CCDC74A: variants seen among roughly 807,000 people sequenced by gnomAD.
CCDC74A encodes coiled-coil domain-containing protein 74A.
CCDC74A carries 38 observed loss-of-function variants against 37.6 expected under a neutral mutation model. That is an observed-to-expected ratio of 1.01 (90% confidence interval 0.78 to 1.33). The LOEUF is 1.33. Ranked by LOEUF, CCDC74A falls within the 40% of genes most tolerant of loss-of-function variation. CCDC74A has a pLI of 0.00. For missense variants in CCDC74A, 340 were observed against 403.4 expected, an observed-to-expected ratio of 0.84 and a Z score of 1.35; for synonymous variants, 134 against 165.2, an observed-to-expected ratio of 0.81 and a Z score of 1.45.
chr2:131,529,101 A>C (rs375371431), intron 1 of CCDC74A: 2,125 of 190,738 alleles, frequency 0.011, 8 homozygotes, highest in African/African-American at 0.015. Flanking sequence ...CCGCTCCTCG[A>C]TCTTGCTTCA....
At chr2:131,525,627 A>T (rs561145721), upstream of CCDC74A, among the ~76,000 whole-genome samples, 1 of 151,900 alleles carries the variant, frequency 6.6e-6, no homozygotes, top group Admixed American at 6.6e-5. Context: ...AGCTTGCTGG[A>T]AACTCCACCT....
chr2:131,528,708 G>A (rs1680645799), intron 1 of CCDC74A: 3 of 390,282 alleles, frequency 7.7e-6, no homozygotes, highest in Non-Finnish European at 1.5e-5. Context: ...CTACTCGGGA[G>A]GCTGAAGCAG....
At chr2:131,525,325 C>T (rs1212516282), upstream of CCDC74A, among the ~76,000 whole-genome samples, 9 of 151,988 alleles carry the variant, frequency 5.9e-5, no homozygotes, top group Non-Finnish European at 8.8e-5. Flanking sequence ...AATCATGGCT[C>T]GCTGCATCTC....
chr2:131,527,336 G>A (rs552970628), upstream of CCDC74A, among the ~76,000 whole-genome samples: 4 of 152,020 alleles, frequency 2.6e-5, no homozygotes, highest in African/African-American at 7.2e-5. Context: ...TGCCATCATA[G>A]CTCACTGCAG....
In CCDC74A at chr2:131,529,447, A is replaced by G. The variant is rs115035364; in HGVS notation, c.251-200A>G. ...CCGATATGCCCGGTGGGCTCTGCCTAGGGAACAGGCAGGGCCATTCCTGGC... is the reference window on the plus strand; with the variant it reads ...CCGATATGCCCGGTGGGCTCTGCCTGGGGAACAGGCAGGGCCATTCCTGGC... On this transcript the variant is annotated intron_variant, in intron 1 of 7. Transcript: ENST00000409856. 9.2e-4 allele frequency: 678 copies of G among 738,374 alleles called. 1 individual carries two copies. The highest frequency in any genetic ancestry group is 1.5e-3 in the Non-Finnish European group (606 of 415,166). 45.7% of individuals were successfully genotyped at this position (738,374 alleles called of 1,614,324 possible). A position where few individuals can be genotyped will look rare whatever the true frequency, so the allele number is the denominator to read the frequency against.
At chr2:131,525,017 G>A (rs1232418517), upstream of CCDC74A, among the ~76,000 whole-genome samples, 5 of 151,382 alleles carry the variant, frequency 3.3e-5, no homozygotes, top group East Asian at 1.9e-4. Flanking sequence ...AGCTATAATC[G>A]CACCACTGCA....
chr2:131,525,384 A>AT (rs1479479227), upstream of CCDC74A, among the ~76,000 whole-genome samples: 1 of 151,742 alleles, frequency 6.6e-6, no homozygotes, highest in African/African-American at 2.4e-5. Flanking sequence ...ATGCAGGCAA[A>AT]TTTTTTAGTT....
At chr2:131,523,168 G>C (rs150507995), upstream of CCDC74A, among the ~76,000 whole-genome samples, 1 of 152,198 alleles carries the variant, frequency 6.6e-6, no homozygotes, top group African/African-American at 2.4e-5. Context: ...GCATCCTGAA[G>C]TGCTAGGGTT....
chr2:131,528,502 C>CT, intron 1 of CCDC74A: 2 of 1,461,254 alleles, frequency 1.4e-6, no homozygotes, highest in Non-Finnish European at 9.3e-7. Context: ...GGGTCAGACA[C>CT]ACCTCTGTTA....
chr2:131,532,812 G>A (rs1681588639), intron 5 of CCDC74A, 31 bp downstream of exon 5: 6 of 1,612,886 alleles, frequency 3.7e-6, no homozygotes, highest in Non-Finnish European at 4.2e-6. Flanking sequence ...GGTGGCCCTG[G>A]GCAGTCTGGC....
chr2:131,528,805 C>T (rs1680671970), intron 1 of CCDC74A, among the ~76,000 whole-genome samples: 1 of 152,024 alleles, frequency 6.6e-6, no homozygotes, highest in African/African-American at 2.4e-5. Flanking sequence ...AGCGAGACTC[C>T]GTCTCAAAAA....
chr2:131,524,707 C>T (rs1473216721), upstream of CCDC74A, among the ~76,000 whole-genome samples: 2 of 151,928 alleles, frequency 1.3e-5, no homozygotes, highest in East Asian at 1.9e-4. Flanking sequence ...AGCACCTCCT[C>T]CTGCCTTCAT....
At chr2:131,525,632 C>T (rs2104770761), upstream of CCDC74A, among the ~76,000 whole-genome samples, 1 of 152,094 alleles carries the variant, frequency 6.6e-6, no homozygotes, top group East Asian at 1.9e-4. Flanking sequence ...GCTGGAAACT[C>T]CACCTCCTGA....
upstream of CCDC74A, among the ~76,000 whole-genome samples, chr2:131,525,711 C>CTTTT (rs58721770): frequency 2.3e-3 from 146 of 63,456 alleles, 8 homozygotes; most frequent in African/African-American, 6.7e-3. Context: ...CTATGCCTGC[C>CTTTT]TTTTTTTTTT....
At chr2:131,525,326 G>A (rs1261732423), upstream of CCDC74A, among the ~76,000 whole-genome samples, 3 of 151,436 alleles carry the variant, frequency 2.0e-5, no homozygotes, top group Non-Finnish European at 2.9e-5. Context: ...ATCATGGCTC[G>A]CTGCATCTCA....
At chr2:131,524,383 A>G (rs1680223545), upstream of CCDC74A, among the ~76,000 whole-genome samples, 1 of 152,212 alleles carries the variant, frequency 6.6e-6, no homozygotes, top group Non-Finnish European at 1.5e-5. Context: ...ATCTGGTTAC[A>G]CATTATTTCC....
At chr2:131,527,032 T>G (rs935061084), upstream of CCDC74A, among the ~76,000 whole-genome samples, 26 of 141,476 alleles carry the variant, frequency 1.8e-4, no homozygotes, top group African/African-American at 6.4e-4. Flanking sequence ...TGGCTGTGAT[T>G]TTTTTTTTTT....
At chr2:131,529,428 T>C in intron 1 of CCDC74A, 2 of 699,888 alleles carry the variant, frequency 2.9e-6, no homozygotes, top group Non-Finnish European at 5.2e-6. Context: ...GAGGCCGATA[T>C]GCCCGGTGGG....
intron 2 of CCDC74A, 127 bp downstream of exon 2, chr2:131,529,818 G>T (rs1308723469): frequency 6.5e-7 from 1 of 1,537,458 alleles, no homozygotes; most frequent in Non-Finnish European, 8.8e-7. Flanking sequence ...AGGTTCTGGG[G>T]GACCTGGACA....
Sources: allele counts gnomAD v4.1 joint callset (sites outside exome capture counted in the v4.1 genomes callset), GRCh38; gene constraint gnomAD v4.1.1; transcripts MANE v1.5; gene names NCBI Gene and HGNC (gene_info 2026-07-23, HGNC 2026-07-21).